The following DCDC1 variants were observed in gnomAD, a reference collection of about 807,000 sequenced individuals.
DCDC1 encodes the protein doublecortin domain-containing protein 1.
A neutral mutation model predicts 178.3 loss-of-function variants in DCDC1; 200 were observed. The observed-to-expected ratio is 1.12, with a 90% CI of 1.00 to 1.26. DCDC1 has a LOEUF of 1.26. Ranked by LOEUF, DCDC1 falls within the 50% of genes most tolerant of loss-of-function variation. The probability of loss-of-function intolerance (pLI) is 0.00; values close to 1 mark genes in which losing one functional copy is unlikely to be tolerated. For synonymous variants in DCDC1, 690 were observed against 604.8 expected (o/e 1.14, Z -2.07); for missense variants, 1,983 against 1,749.2 (o/e 1.13, Z -2.38).
intron 20 of DCDC1, among the ~76,000 whole-genome samples, chr11:31,022,423 A>T (rs185071842): frequency 6.6e-6 from 1 of 152,120 alleles, no homozygotes; most frequent in Non-Finnish European, 1.5e-5. Context: ...TTAATTTGGT[A>T]TAACCTCATC....
chr11:31,357,030 C>T (rs1307674250), intron 1 of DCDC1, among the ~76,000 whole-genome samples: 7 of 151,028 alleles, frequency 4.6e-5, no homozygotes, highest in Non-Finnish European at 7.4e-5. Flanking sequence ...TGGTACCATT[C>T]CTTCTGAAAC....
chr11:30,994,297 C>T (rs1184283799), intron 20 of DCDC1, among the ~76,000 whole-genome samples: 1 of 151,806 alleles, frequency 6.6e-6, no homozygotes, highest in East Asian at 1.9e-4. Context: ...TAGAATGAAA[C>T]TTTTTTACCC....
At chr11:30,943,142 C>T (rs1366843046) in intron 21 of DCDC1, 3 of 151,860 alleles carry the variant, frequency 2.0e-5, no homozygotes. Context: ...GCTCCACAGT[C>T]GGGAGACCCT....
intron 20 of DCDC1, among the ~76,000 whole-genome samples, chr11:31,044,673 G>C (rs1186799545): frequency 4.6e-5 from 7 of 152,124 alleles, no homozygotes; most frequent in Admixed American, 6.5e-5. Flanking sequence ...ACACTGGAAT[G>C]ATTTGGAAGC....
At chr11:31,367,813 A>G (rs1368866507) in intron 1 of DCDC1, among the ~76,000 whole-genome samples, 1 of 152,224 alleles carries the variant, frequency 6.6e-6, no homozygotes, top group African/African-American at 2.4e-5. Context: ...AAAATGAAAA[A>G]TGAAGGAAGC....
intron 9 of DCDC1, among the ~76,000 whole-genome samples, chr11:31,162,150 A>G (rs1200752478): frequency 6.6e-6 from 1 of 152,200 alleles, no homozygotes; most frequent in South Asian, 2.1e-4. Context: ...ACTATGCATA[A>G]TTTTACACAG....
At chr11:31,171,128 G>GA (rs1293662525) in intron 9 of DCDC1, among the ~76,000 whole-genome samples, 4 of 152,098 alleles carry the variant, frequency 2.6e-5, no homozygotes, top group African/African-American at 4.8e-5. Context: ...GCGCCAGGCT[G>GA]AAAATCAGCA....
chr11:30,971,275 C>G (rs1239215294), intron 20 of DCDC1, among the ~76,000 whole-genome samples: 2 of 152,090 alleles, frequency 1.3e-5, no homozygotes, highest in Non-Finnish European at 2.9e-5. Flanking sequence ...AAGATCACAT[C>G]TCCAAAAGAA....
chr11:30,958,678 G>A (rs1445300759), intron 20 of DCDC1, among the ~76,000 whole-genome samples: 2 of 152,092 alleles, frequency 1.3e-5, no homozygotes, highest in African/African-American at 4.8e-5. Context: ...AATGGTAGAG[G>A]GAGGACTGGC....
At chr11:31,138,933 C>T (rs928383261) in intron 9 of DCDC1, among the ~76,000 whole-genome samples, 3 of 151,820 alleles carry the variant, frequency 2.0e-5, no homozygotes, top group Admixed American at 6.6e-5. Flanking sequence ...AGAGAAAAGG[C>T]CCAGGAATCT....
At chr11:30,921,347 T>G (rs1946237050) in intron 24 of DCDC1, among the ~76,000 whole-genome samples, 1 of 152,312 alleles carries the variant, frequency 6.6e-6, no homozygotes, top group African/African-American at 2.4e-5. Flanking sequence ...ATGTTTTAAA[T>G]TATACTAATT....
chr11:31,012,017 C>A (rs2135124896), intron 20 of DCDC1, among the ~76,000 whole-genome samples: 1 of 152,188 alleles, frequency 6.6e-6, no homozygotes, highest in African/African-American at 2.4e-5. Flanking sequence ...TGAGTTCTCA[C>A]AAGATTTGGT....
chr11:31,009,421 A>C (rs1952035746), intron 20 of DCDC1, among the ~76,000 whole-genome samples: 1 of 146,252 alleles, frequency 6.8e-6, no homozygotes, highest in Non-Finnish European at 1.5e-5. Flanking sequence ...ACACACAATT[A>C]TTGTCTCACA....
At chr11:30,885,400 A>G (rs1399486682) in intron 36 of DCDC1, among the ~76,000 whole-genome samples, 4 of 152,022 alleles carry the variant, frequency 2.6e-5, no homozygotes, top group South Asian at 2.1e-4. Flanking sequence ...ACATTAAAAA[A>G]CTCCATAGAC....
chr11:31,303,664 C>T (rs1017447128), intron 6 of DCDC1, among the ~76,000 whole-genome samples: 1 of 152,028 alleles, frequency 6.6e-6, no homozygotes, highest in African/African-American at 2.4e-5. Context: ...TCTTAACATT[C>T]TGAAAGAAAC....
intron 24 of DCDC1, among the ~76,000 whole-genome samples, chr11:30,922,171 T>G (rs867057934): frequency 3.3e-5 from 5 of 152,332 alleles, no homozygotes; most frequent in Middle Eastern, 3.4e-3. Flanking sequence ...ATTCTGGAGA[T>G]AGAGAAATCT....
chr11:31,253,737 T>A (rs1249307146), intron 8 of DCDC1, among the ~76,000 whole-genome samples: 1 of 152,236 alleles, frequency 6.6e-6, no homozygotes, highest in East Asian at 1.9e-4. Context: ...CTTTTTTCTT[T>A]AAGCTGCTAA....
chr11:30,869,798 G>A (rs1209278618), intron 38 of DCDC1, among the ~76,000 whole-genome samples: 2 of 152,168 alleles, frequency 1.3e-5, no homozygotes, highest in African/African-American at 4.8e-5. Flanking sequence ...AGAGCCAGGG[G>A]ACCTCCGGAT....
chr11:30,886,088 T>A (rs1943143040), intron 36 of DCDC1, among the ~76,000 whole-genome samples: 1 of 152,060 alleles, frequency 6.6e-6, no homozygotes, highest in Admixed American at 6.6e-5. Flanking sequence ...TGTAAAATTG[T>A]ATATACGTGT....
Sources: gnomAD v4.1 joint callset for allele counts (sites outside exome capture counted in the v4.1 genomes callset) on GRCh38, gnomAD v4.1.1 for gene constraint, MANE v1.5 for transcripts, NCBI Gene and HGNC (gene_info 2026-07-23, HGNC 2026-07-21) for gene names.